CNTN4: variants seen among roughly 807,000 people sequenced by gnomAD.
The protein encoded by CNTN4 is contactin-4.
CNTN4 carries 77 observed loss-of-function variants against 122.5 expected under a neutral mutation model. The ratio of observed to expected loss-of-function variants is 0.63; its 90% CI spans 0.52 to 0.76. The LOEUF is 0.76. CNTN4 is among the 30% of genes least tolerant of loss of function. The probability of loss-of-function intolerance (pLI) is 0.00; values close to 1 mark genes in which losing one functional copy is unlikely to be tolerated. For synonymous variants in CNTN4, 512 were observed against 447.0 expected, an observed-to-expected ratio of 1.15 and a Z score of -1.83; for missense variants, 1,256 against 1,259.1, an observed-to-expected ratio of 1.00 and a Z score of 0.04.
At chr3:2,805,558 C>T (rs1471173035) in intron 6 of CNTN4, among the ~76,000 whole-genome samples, 1 of 152,190 alleles carries the variant, frequency 6.6e-6, no homozygotes, top group South Asian at 2.1e-4. Flanking sequence ...GAGTAACTCT[C>T]TTAAACTCAC....
At chr3:2,315,227 A>G (rs1371383079) in intron 2 of CNTN4, among the ~76,000 whole-genome samples, 1 of 136,580 alleles carries the variant, frequency 7.3e-6, no homozygotes, top group Non-Finnish European at 1.7e-5. Context: ...TTTGCACGCT[A>G]TAATAAGTAA....
At chr3:2,536,447 C>G (rs2077809247) in intron 3 of CNTN4, among the ~76,000 whole-genome samples, 1 of 152,040 alleles carries the variant, frequency 6.6e-6, no homozygotes, top group African/African-American at 2.4e-5. Context: ...AGAGCTTGAC[C>G]TGAAAGTCAT....
intron 2 of CNTN4, among the ~76,000 whole-genome samples, chr3:2,324,336 A>G (rs1474111162): frequency 6.6e-6 from 1 of 152,144 alleles, no homozygotes; most frequent in Admixed American, 6.5e-5. Flanking sequence ...TGTAAGATAC[A>G]CACGCACACT....
At chr3:2,893,052 G>C (rs2094062419) in intron 10 of CNTN4, among the ~76,000 whole-genome samples, 1 of 152,150 alleles carries the variant, frequency 6.6e-6, no homozygotes, top group South Asian at 2.1e-4. Flanking sequence ...TCCATTACCA[G>C]TGTCACAAAT....
rs147348280 is a variant in CNTN4 at position 2,303,641 on chromosome 3, T to G, written c.-144-35537T>G. On this transcript the variant is annotated intron_variant, in intron 2 of 24. Coordinates refer to ENST00000418658, the MANE Select transcript of CNTN4 (RefSeq NM_175607.3). ...TTTGACCACAGCTGTCTGTTATCTG[T>G]CTTTCTCATGACTTTGGATTAAATT... Among the ~76,000 whole-genome samples the G allele has an allele frequency of 2.0e-5, 3 of 152,338 alleles. No homozygotes were observed. The East Asian group carries it at 5.8e-4, about 29-fold the overall frequency.
At chr3:2,335,211 T>A (rs1191226591) in intron 2 of CNTN4, among the ~76,000 whole-genome samples, 1 of 152,154 alleles carries the variant, frequency 6.6e-6, no homozygotes, top group Non-Finnish European at 1.5e-5. Flanking sequence ...TCACATGTGA[T>A]TTTATTTAGT....
intron 2 of CNTN4, among the ~76,000 whole-genome samples, chr3:2,196,067 A>G (rs888699192): frequency 6.6e-5 from 10 of 152,220 alleles, no homozygotes; most frequent in Admixed American, 5.2e-4. Flanking sequence ...CCTATAACCC[A>G]TGGTATCTAT....
intron 3 of CNTN4, among the ~76,000 whole-genome samples, chr3:2,381,067 A>G (rs1010586385): frequency 2.0e-5 from 3 of 151,008 alleles, no homozygotes; most frequent in African/African-American, 4.9e-5. Context: ...GTGCAGTGGC[A>G]CAATCTCGGC....
intron 4 of CNTN4, among the ~76,000 whole-genome samples, chr3:2,575,089 A>G (rs999913278): frequency 6.6e-5 from 10 of 152,088 alleles, no homozygotes; most frequent in South Asian, 2.1e-4. Flanking sequence ...TACCATAAAG[A>G]TAAACAAACA....
chr3:2,679,434 A>G (rs2085047452), intron 4 of CNTN4, among the ~76,000 whole-genome samples: 1 of 152,164 alleles, frequency 6.6e-6, no homozygotes, highest in Admixed American at 6.5e-5. Flanking sequence ...TTGATAAAGG[A>G]CAGTGAACAA....
chr3:2,751,269 G>C (rs1355938496), intron 6 of CNTN4, among the ~76,000 whole-genome samples: 1 of 152,070 alleles, frequency 6.6e-6, no homozygotes, highest in East Asian at 1.9e-4. Flanking sequence ...GATCACACCA[G>C]TGCACTCCAG....
chr3:2,908,661 G>A (rs1033038534), intron 12 of CNTN4, among the ~76,000 whole-genome samples: 15 of 152,192 alleles, frequency 9.9e-5, no homozygotes, highest in African/African-American at 3.4e-4. Flanking sequence ...TACCTCTTAA[G>A]TGGGGTTCCA....
chr3:2,342,304 T>C (rs968893624), intron 3 of CNTN4, among the ~76,000 whole-genome samples: 1 of 152,136 alleles, frequency 6.6e-6, no homozygotes, highest in Non-Finnish European at 1.5e-5. Context: ...ATAGGGAAAA[T>C]AGAAGAAGAC....
chr3:2,593,172 C>G (rs1476870310), intron 4 of CNTN4, among the ~76,000 whole-genome samples: 2 of 152,164 alleles, frequency 1.3e-5, no homozygotes, highest in East Asian at 3.9e-4. Flanking sequence ...ATGGAAACAT[C>G]TATTTATGTA....
chr3:2,717,213 G>T lies in CNTN4; in HGVS notation c.56-19002G>T, dbSNP rs149665829. Among the ~76,000 whole-genome samples the T allele has an allele frequency of 6.1e-3, 929 of 152,228 alleles. 6 individuals are homozygous for T. The highest frequency in any genetic ancestry group is 0.021 in the African/African-American group (891 of 41,544). ...CCCTTTATTGGCATGTGGAAACCTGGATTTCAGTAGGGTGCCCACTACCCT... is the reference window on the plus strand; with the variant it reads ...CCCTTTATTGGCATGTGGAAACCTGTATTTCAGTAGGGTGCCCACTACCCT... On this transcript the variant is annotated intron_variant, in intron 4 of 24. Transcript: ENST00000418658.
rs1025880390 is a variant in CNTN4, at chr3:2,148,655, G to T, written c.-145+48016G>T. 3.9e-5 allele frequency among the ~76,000 whole-genome samples: 6 copies of T among 152,186 alleles called. 1 individual carries two copies. Among genetic ancestry groups the T allele is most frequent in the African/African-American group, 1.4e-4 (6 of 41,450 alleles). On this transcript the variant is annotated intron_variant, in intron 2 of 24. Coordinates refer to ENST00000418658, the MANE Select transcript of CNTN4 (RefSeq NM_175607.3). ...AGTAGGGTAAAATTACCCAGTTTGT[G>T]TAAATCTTATGAGGCTTGATAAATG...
intron 4 of CNTN4, among the ~76,000 whole-genome samples, chr3:2,700,606 G>C (rs1195750911): frequency 6.6e-6 from 1 of 151,466 alleles, no homozygotes; most frequent in Non-Finnish European, 1.5e-5. Context: ...TTTGAAATTA[G>C]CCTGTCATCT....
At chr3:2,833,769 G>T (rs2093154703) in intron 7 of CNTN4, among the ~76,000 whole-genome samples, 1 of 152,158 alleles carries the variant, frequency 6.6e-6, no homozygotes, top group South Asian at 2.1e-4. Context: ...AACTTTACTT[G>T]GGTTCAGCAT....
chr3:2,563,524 C>T (rs572097507), intron 3 of CNTN4, among the ~76,000 whole-genome samples: 17 of 152,208 alleles, frequency 1.1e-4, no homozygotes, highest in Admixed American at 2.6e-4. Flanking sequence ...TCTACCATTA[C>T]GTTATCTCCA....
Sources: gnomAD v4.1 joint callset for allele counts (sites outside exome capture counted in the v4.1 genomes callset) on GRCh38, gnomAD v4.1.1 for gene constraint, MANE v1.5 for transcripts, NCBI Gene and HGNC (gene_info 2026-07-23, HGNC 2026-07-21) for gene names.